FNDC7: variants seen among roughly 807,000 people sequenced by gnomAD.
FNDC7 encodes fibronectin type III domain containing 7.
FNDC7 carries 66 observed loss-of-function variants against 74.2 expected under a neutral mutation model. That is an observed-to-expected ratio of 0.89 (90% CI 0.73 to 1.09). The LOEUF (loss-of-function observed/expected upper bound fraction) is 1.09. Ranked by LOEUF, FNDC7 falls within the 50% of genes least tolerant of loss-of-function variation. FNDC7 has a pLI of 0.00. For synonymous variants in FNDC7, 307 were observed against 330.2 expected, an observed-to-expected ratio of 0.93 and a Z score of 0.76; for missense variants, 829 against 893.4, an observed-to-expected ratio of 0.93 and a Z score of 0.92.
Position 108,725,937 on chromosome 1 carries a change from T to G in FNDC7, c.1044T>G (p.Phe348Leu), listed in dbSNP as rs1317924742. 6.2e-7 allele frequency: 1 copy of G among 1,613,994 alleles called. No homozygotes were observed. The highest frequency in any genetic ancestry group is 2.2e-5 in the East Asian group (1 of 44,884). ...TATCTGAGTGTGGCTTCACTTATTTTATTAGTGTTTTTGTCTATAACAAGG... is the reference window on the plus strand; with the variant it reads ...TATCTGAGTGTGGCTTCACTTATTTGATTAGTGTTTTTGTCTATAACAAGG... ...NFLSECGFTY[F>L]ISVFVYNKAG... Residue 348 changes from phenylalanine to leucine, a missense_variant, in exon 6 of 13, where the codon TTT becomes TTG. Phe to Leu is a conservative substitution (Grantham distance 22). Coordinates refer to ENST00000370017, the MANE Select transcript of FNDC7 (RefSeq NM_001144937.3).
At position 108,737,509 on chromosome 1, in the gene FNDC7, A is replaced by G; in HGVS notation, c.2155A>G (p.Ser719Gly). The part of the protein sequence containing the change: ...KKIYSVTCSG[S>G]TLGMVIYRGK... Reference sequence around the variant, plus strand: ...TTTTATTACAGTAACTTGCTCTGGAAGTACACTTGGAATGGGTAAGTCATT... The same window carrying G: ...TTTTATTACAGTAACTTGCTCTGGAGGTACACTTGGAATGGGTAAGTCATT... The change falls in exon 11 of 13, where the codon AGT becomes GGT. Residue 719 changes from serine to glycine, a missense_variant. By Grantham distance (56) the Ser-to-Gly change is moderately conservative. Coordinates refer to ENST00000370017, the MANE Select transcript of FNDC7 (RefSeq NM_001144937.3). 6.3e-7 allele frequency: 1 copy of G among 1,592,564 alleles called. No homozygotes were observed. The highest frequency in any genetic ancestry group is 8.5e-7 in the Non-Finnish European group (1 of 1,172,924).
chr1:108,733,342 C>T lies in FNDC7; in HGVS notation c.1950C>T (p.Ala650=). 5 of 1,614,144 alleles carry T rather than the reference C, an allele frequency of 3.1e-6. No homozygotes were observed. The South Asian group carries it at 5.5e-5, about 18-fold the overall frequency. Residue 650 remains alanine (A), a synonymous_variant, in exon 10 of 13, where the codon GCC becomes GCT. Coordinates refer to ENST00000370017, the MANE Select transcript of FNDC7 (RefSeq NM_001144937.3). ...ATGGCATCCGGATCTACTGGCAAGCCTCCAGGGGCTCTGCCAATTACAGCA... is the reference window on the plus strand; with the variant it reads ...ATGGCATCCGGATCTACTGGCAAGCTTCCAGGGGCTCTGCCAATTACAGCA... ...GPNGIRIYWQ[A]SRGSANYSTD... is the part of the protein sequence containing the mutation.
intron 10 of FNDC7, among the ~76,000 whole-genome samples, chr1:108,737,083 C>T (rs1345003368): frequency 6.6e-6 from 1 of 151,018 alleles, no homozygotes; most frequent in Non-Finnish European, 1.5e-5. Flanking sequence ...TTCTCCTCCT[C>T]AGCCTCCTGA....
In FNDC7 at chr1:108,731,602, T is replaced by C. The variant is rs114145324; in HGVS notation, c.1879+674T>C. Among the ~76,000 whole-genome samples, 481 of 152,212 alleles carry C rather than the reference T, an allele frequency of 3.2e-3. 1 individual carries two copies. The highest frequency in any genetic ancestry group is 0.011 in the African/African-American group (471 of 41,518). ...CTGCCTGGGGCATGGGATGGAAGAGTTGGAATATAATTTTGGCATCCTAGA... is the reference window on the plus strand; with the variant it reads ...CTGCCTGGGGCATGGGATGGAAGAGCTGGAATATAATTTTGGCATCCTAGA... On this transcript the variant is annotated intron_variant, in intron 9 of 12. Coordinates refer to ENST00000370017, the MANE Select transcript of FNDC7 (RefSeq NM_001144937.3).
At chr1:108,731,818 G>C (rs1228895164) in intron 9 of FNDC7, among the ~76,000 whole-genome samples, 2 of 152,206 alleles carry the variant, frequency 1.3e-5, no homozygotes, top group Non-Finnish European at 2.9e-5. Flanking sequence ...ACGTATGTCA[G>C]CTGGTATGTA....
chr1:108,740,675 ACTTG>A (rs1474487116), intron 11 of FNDC7, among the ~76,000 whole-genome samples: 2 of 152,170 alleles, frequency 1.3e-5, no homozygotes, highest in Non-Finnish European at 2.9e-5. Context: ...TGCCACCATC[ACTTG>A]CTCTTAGTCA....
intron 5 of FNDC7, among the ~76,000 whole-genome samples, chr1:108,723,528 C>G (rs557318431): frequency 6.6e-6 from 1 of 152,242 alleles, no homozygotes; most frequent in East Asian, 1.9e-4. Context: ...GGCCCGCACT[C>G]TCTTATAGTT....
chr1:108,727,838 T>G lies in FNDC7; in HGVS notation c.1142T>G (p.Val381Gly). ...TGTTGTCCTAGTGACATTAACCCCG[T>G]GTTGGTGTCCAGTGACAGAGTTGAG... ...APCCPSDINP[V>G]LVSSDRVEIV... is the part of the protein sequence containing the mutation. Residue 381 changes from valine to glycine, a missense_variant, in exon 7 of 13, where the codon GTG becomes GGG. Val to Gly is a moderately radical substitution (Grantham distance 109). Coordinates refer to ENST00000370017, the MANE Select transcript of FNDC7 (RefSeq NM_001144937.3). 1 of 1,614,134 alleles carries G rather than the reference T, an allele frequency of 6.2e-7. No homozygotes were observed. Among genetic ancestry groups the G allele is most frequent in the Non-Finnish European group, 8.5e-7 (1 of 1,180,026 alleles).
In FNDC7 at chr1:108,727,897, T is replaced by C; in HGVS notation, c.1201T>C (p.Tyr401His). 6.2e-7 allele frequency: 1 copy of C among 1,614,184 alleles called. No individual in the cohort carries two copies. Among genetic ancestry groups the C allele is most frequent in the Non-Finnish European group, 8.5e-7 (1 of 1,180,038 alleles). Residue 401 changes from tyrosine (Y) to histidine (H), a missense_variant, in exon 7 of 13, where the codon TAT becomes CAT. Coordinates refer to ENST00000370017, the MANE Select transcript of FNDC7 (RefSeq NM_001144937.3). ...VWSPVRGAEL[Y>H]ETKAVDGYNM... is the part of the protein sequence containing the mutation. ...GTCTCCTGTCCGTGGTGCCGAACTGTATGAAACCAAGGCTGTAGATGGGTA... is the reference window on the plus strand; with the variant it reads ...GTCTCCTGTCCGTGGTGCCGAACTGCATGAAACCAAGGCTGTAGATGGGTA...
At chr1:108,739,593 T>G (rs1039785961) in intron 11 of FNDC7, among the ~76,000 whole-genome samples, 10 of 152,216 alleles carry the variant, frequency 6.6e-5, no homozygotes, top group African/African-American at 2.4e-4. Flanking sequence ...GTATTCAAGT[T>G]TGAGTAGCAC....
rs2101086410 is a variant in FNDC7 at position 108,730,786 on chromosome 1, C to T, written c.1737C>T (p.His579=). The change falls in exon 9 of 13, where the codon CAC becomes CAT. Residue 579 remains histidine, a synonymous_variant. Transcript: ENST00000370017. ...CCCATGTTGCAGTTCTGGAGTCACA[C>T]ACTGGACAGTCTAAGTGTCACACTC... ...AQTHVAVLES[H]TGQSKCHTHQ... 1 of 1,614,136 alleles carries T rather than the reference C, an allele frequency of 6.2e-7. No individual in the cohort carries two copies. Among genetic ancestry groups the T allele is most frequent in the East Asian group, 2.2e-5 (1 of 44,874 alleles).
intron 10 of FNDC7, chr1:108,734,781 T>C (rs1462984423): frequency 1.3e-5 from 2 of 152,238 alleles, no homozygotes; most frequent in African/African-American, 2.4e-5. Flanking sequence ...CTTAGGAAGA[T>C]GAGTCTACAG....
At chr1:108,730,177 G>A (rs1170402054) in intron 8 of FNDC7, among the ~76,000 whole-genome samples, 1 of 152,086 alleles carries the variant, frequency 6.6e-6, no homozygotes, top group Non-Finnish European at 1.5e-5. Context: ...AAGAGATTGA[G>A]ACCATCCTGG....
At chr1:108,731,979 C>T (rs1411060072) in intron 9 of FNDC7, among the ~76,000 whole-genome samples, 5 of 152,164 alleles carry the variant, frequency 3.3e-5, no homozygotes, top group Non-Finnish European at 7.3e-5. Flanking sequence ...ACAGTAGGAT[C>T]TTTAACTTAG....
Position 108,733,335 on chromosome 1 carries a change from G to A in FNDC7, c.1943G>A (p.Trp648Ter), listed in dbSNP as rs1231007903. The change falls in exon 10 of 13, where the codon TGG becomes TAG. Residue 648 changes from tryptophan to a stop codon, truncating the protein, a stop_gained. Transcript: ENST00000370017. LOFTEE classifies it high-confidence loss of function. ...GGCCCTAATGGCATCCGGATCTACTGGCAAGCCTCCAGGGGCTCTGCCAAT... is the reference window on the plus strand; with the variant it reads ...GGCCCTAATGGCATCCGGATCTACTAGCAAGCCTCCAGGGGCTCTGCCAAT... ...RLGPNGIRIY[W>*]QASRGSANYS... The A allele has an allele frequency of 1.9e-6, 3 of 1,613,994 alleles. No individual in the cohort carries two copies. The highest frequency in any genetic ancestry group is 1.7e-5 in the Admixed American group (1 of 59,982).
chr1:108,722,322 C>T lies in FNDC7; in HGVS notation c.599-13C>T, dbSNP rs756825770. ...GGCTACTACAAAATCTTAATTGTTT[C>T]TCTAAAATGTAGGTCCTCGGGCCCC... On this transcript the variant is annotated splice_polypyrimidine_tract_variant and intron_variant, in intron 4 of 12. Coordinates refer to ENST00000370017, the MANE Select transcript of FNDC7 (RefSeq NM_001144937.3). The T allele has an allele frequency of 1.3e-6, 2 of 1,568,296 alleles. No homozygotes were observed. The highest frequency in any genetic ancestry group is 1.2e-5 in the South Asian group (1 of 85,260).
chr1:108,733,242 G>A (rs79132277), intron 9 of FNDC7, 30 bp from the exon 10 acceptor site: 20,926 of 1,595,332 alleles, frequency 0.013, 193 homozygotes, highest in Non-Finnish European at 0.016. Context: ...TAAAACAAGT[G>A]ATTTTGTGTT....
At chr1:108,713,030 T>C (rs1195334501) in intron 1 of FNDC7, 34 bp downstream of exon 1, 3 of 1,522,942 alleles carry the variant, frequency 2.0e-6, no homozygotes, top group African/African-American at 1.4e-5. Context: ...CACAACTATT[T>C]AGGGGAAAAA....
intron 3 of FNDC7, 130 bp downstream of exon 3, chr1:108,718,161 G>C: frequency 2.5e-6 from 3 of 1,216,772 alleles, no homozygotes; most frequent in South Asian, 1.5e-5. Context: ...AGAAGTGAAA[G>C]CTACCAAATG....
Sources: gnomAD v4.1 joint callset for allele counts (sites outside exome capture counted in the v4.1 genomes callset) on GRCh38, gnomAD v4.1.1 for gene constraint, MANE v1.5 for transcripts, NCBI Gene and HGNC (gene_info 2026-07-23, HGNC 2026-07-21) for gene names.